IMMP2L: variants seen among roughly 807,000 people sequenced by gnomAD.
The protein encoded by IMMP2L is inner mitochondrial membrane peptidase subunit 2, also known as mitochondrial inner membrane protease subunit 2.
IMMP2L carries 18 observed loss-of-function variants against 19.3 expected under a neutral mutation model. The ratio of observed to expected loss-of-function variants is 0.93; its 90% confidence interval spans 0.64 to 1.38. IMMP2L has a LOEUF of 1.38. Among genes scored for constraint, IMMP2L ranks in the 40% most tolerant of loss-of-function variants. The pLI, the probability that IMMP2L is intolerant of heterozygous loss-of-function variation, is 0.00. For missense variants in IMMP2L, 233 were observed against 218.2 expected, an observed-to-expected ratio of 1.07 and a Z score of -0.43; for synonymous variants, 76 against 73.0, an observed-to-expected ratio of 1.04 and a Z score of -0.21.
chr7:111,473,078 C>T (rs1391288833), intron 3 of IMMP2L, among the ~76,000 whole-genome samples: 3 of 152,066 alleles, frequency 2.0e-5, no homozygotes, highest in East Asian at 1.9e-4. Context: ...ATTGTCATTC[C>T]AAAATGACAT....
chr7:111,218,640 A>C (rs1455568378), intron 3 of IMMP2L, among the ~76,000 whole-genome samples: 1 of 151,968 alleles, frequency 6.6e-6, no homozygotes, highest in East Asian at 1.9e-4. Context: ...AGATGGGAGA[A>C]CTCCAATTAA....
rs532133526 is a variant in IMMP2L at position 110,744,046 on chromosome 7, G to A, written c.409-80325C>T. On this transcript the variant is annotated intron_variant, in intron 5 of 5. Coordinates refer to ENST00000405709, the MANE Select transcript of IMMP2L (RefSeq NM_032549.4). ...GCCAGCACAGCAGCAGTCTGAGTTCGACCTGGGACACCTGAGCTTGGTGGG... is the reference window on the plus strand; with the variant it reads ...GCCAGCACAGCAGCAGTCTGAGTTCAACCTGGGACACCTGAGCTTGGTGGG... Among the ~76,000 whole-genome samples the A allele has an allele frequency of 5.3e-5, 8 of 152,254 alleles. No individual in the cohort carries two copies. In the South Asian group the frequency reaches 1.5e-3, roughly 28 times the overall value.
intron 5 of IMMP2L, among the ~76,000 whole-genome samples, chr7:110,755,747 T>C (rs1201570446): frequency 1.3e-5 from 2 of 152,006 alleles, no homozygotes; most frequent in African/African-American, 4.8e-5. Context: ...GTTTGCTGGG[T>C]TGATAAGACT....
chr7:111,022,456 C>G (rs1272269728), intron 3 of IMMP2L, among the ~76,000 whole-genome samples: 1 of 152,036 alleles, frequency 6.6e-6, no homozygotes, highest in Non-Finnish European at 1.5e-5. Context: ...TTTTTTCAGC[C>G]TGGGGGCAAG....
intron 5 of IMMP2L, among the ~76,000 whole-genome samples, chr7:110,703,735 A>G (rs553276723): frequency 6.6e-6 from 1 of 152,322 alleles, no homozygotes; most frequent in East Asian, 1.9e-4. Context: ...TGTGATGAAG[A>G]ATACTGCTTA....
intron 3 of IMMP2L, among the ~76,000 whole-genome samples, chr7:111,401,863 CACAG>C (rs1833449316): frequency 3.3e-5 from 5 of 152,004 alleles, no homozygotes; most frequent in Admixed American, 2.0e-4. Flanking sequence ...ACATTCCAAA[CACAG>C]TGGTAAATGC....
intron 3 of IMMP2L, among the ~76,000 whole-genome samples, chr7:111,281,383 C>G (rs965950880): frequency 9.9e-5 from 15 of 151,892 alleles, no homozygotes; most frequent in African/African-American, 4.8e-5. Flanking sequence ...TTTAGTAACC[C>G]CTTAAATACA....
At chr7:110,741,818 A>C (rs1476288974) in intron 5 of IMMP2L, among the ~76,000 whole-genome samples, 1 of 152,228 alleles carries the variant, frequency 6.6e-6, no homozygotes, top group Non-Finnish European at 1.5e-5. Context: ...AACATAAATA[A>C]AATGTTTATA....
intron 1 of IMMP2L, among the ~76,000 whole-genome samples, chr7:111,547,929 T>C (rs1254153396): frequency 6.6e-6 from 1 of 151,992 alleles, no homozygotes; most frequent in African/African-American, 2.4e-5. Flanking sequence ...ACCATGTTGT[T>C]CACACTGGTC....
chr7:110,806,960 G>T (rs368089183), intron 5 of IMMP2L, among the ~76,000 whole-genome samples: 1 of 151,976 alleles, frequency 6.6e-6, no homozygotes, highest in East Asian at 1.9e-4. Context: ...CAGGATAGGT[G>T]TAAATCCTTT....
chr7:111,055,042 T>G (rs1793371090), intron 3 of IMMP2L, among the ~76,000 whole-genome samples: 1 of 150,756 alleles, frequency 6.6e-6, no homozygotes, highest in Admixed American at 6.6e-5. Context: ...TTTGACACGT[T>G]TCTTCCTTCT....
intron 4 of IMMP2L, among the ~76,000 whole-genome samples, chr7:110,901,029 C>T (rs1476914652): frequency 1.3e-5 from 2 of 151,882 alleles, no homozygotes; most frequent in Non-Finnish European, 2.9e-5. Context: ...TTGGAATGCT[C>T]TTTCTTCAGA....
intron 3 of IMMP2L, among the ~76,000 whole-genome samples, chr7:111,087,337 T>C (rs1796432193): frequency 6.6e-6 from 1 of 151,446 alleles, no homozygotes; most frequent in Non-Finnish European, 1.5e-5. Flanking sequence ...TAGTCCCAGC[T>C]ACCAGGGAGG....
At chr7:111,226,562 T>G (rs1382111665) in intron 3 of IMMP2L, among the ~76,000 whole-genome samples, 1 of 152,120 alleles carries the variant, frequency 6.6e-6, no homozygotes, top group East Asian at 1.9e-4. Flanking sequence ...CAACAGGTCA[T>G]TCTACTGCTT....
At chr7:111,406,712 T>A (rs1445942688) in intron 3 of IMMP2L, among the ~76,000 whole-genome samples, 3 of 152,100 alleles carry the variant, frequency 2.0e-5, no homozygotes, top group Non-Finnish European at 2.9e-5. Flanking sequence ...GTTAGAGGTC[T>A]TCCTTAATCA....
chr7:111,456,729 A>G (rs887292441), intron 3 of IMMP2L, among the ~76,000 whole-genome samples: 62 of 149,266 alleles, frequency 4.2e-4, no homozygotes, highest in African/African-American at 1.5e-3. Context: ...ATGTTGGTAA[A>G]CTAGAAACTG....
intron 3 of IMMP2L, among the ~76,000 whole-genome samples, chr7:111,387,695 C>G (rs577447509): frequency 6.6e-6 from 1 of 151,978 alleles, no homozygotes; most frequent in South Asian, 2.1e-4. Context: ...AACTAAAATA[C>G]GGCCAGGCGC....
chr7:110,882,923 C>T (rs959024406), intron 5 of IMMP2L, among the ~76,000 whole-genome samples: 12 of 152,096 alleles, frequency 7.9e-5, no homozygotes, highest in South Asian at 2.1e-4. Context: ...TTTCTCCTGA[C>T]GCATCCCACC....
chr7:110,781,919 A>G (rs1169477538), intron 5 of IMMP2L, among the ~76,000 whole-genome samples: 1 of 151,966 alleles, frequency 6.6e-6, no homozygotes, highest in Admixed American at 6.6e-5. Flanking sequence ...AATAGAAATC[A>G]AATTCTCTTT....
Sources: gnomAD v4.1 joint callset for allele counts (sites outside exome capture counted in the v4.1 genomes callset) on GRCh38, gnomAD v4.1.1 for gene constraint, MANE v1.5 for transcripts, NCBI Gene and HGNC (gene_info 2026-07-23, HGNC 2026-07-21) for gene names.